The following USP33 variants were observed in gnomAD, a reference collection of about 807,000 sequenced individuals.
USP33 encodes ubiquitin specific peptidase 33.
A neutral mutation model predicts 124.2 loss-of-function variants in USP33; 46 were observed. That is an observed-to-expected ratio of 0.37 (90% confidence interval 0.29 to 0.47). The LOEUF (loss-of-function observed/expected upper bound fraction) is 0.47. USP33 is among the 20% of genes least tolerant of loss of function. The probability of loss-of-function intolerance (pLI) is 0.99; values close to 1 mark genes in which losing one functional copy is unlikely to be tolerated. For missense variants in USP33, 851 were observed against 1,070.6 expected, an observed-to-expected ratio of 0.79 and a Z score of 2.86; for synonymous variants, 350 against 352.3, an observed-to-expected ratio of 0.99 and a Z score of 0.07.
chr1:77,713,486 G>T, intron 19 of USP33: 1 of 462,752 alleles, frequency 2.2e-6, no homozygotes, highest in South Asian at 2.9e-5. Context: ...CTGGGCTCAA[G>T]GCATCCTCCC....
In USP33 at chr1:77,723,397, T is replaced by C. The variant is rs1409831066; in HGVS notation, c.1323A>G (p.Arg441=). The C allele has an allele frequency of 6.2e-7, 1 of 1,613,222 alleles. No individual in the cohort carries two copies. The highest frequency in any genetic ancestry group is 1.3e-5 in the African/African-American group (1 of 74,900). ...PKRKKQHKKY[R]SVISDIFDGT... ...CATCAAATATGTCTGAAATAACACTTCTGTATTTCTTGTGCTGTTTTTTTC... is the reference window on the plus strand; with the variant it reads ...CATCAAATATGTCTGAAATAACACTCCTGTATTTCTTGTGCTGTTTTTTTC... The change falls in exon 12 of 24, where the codon AGA becomes AGG. Residue 441 remains arginine, a synonymous_variant. Transcript: ENST00000370794.
chr1:77,730,903 G>T (rs987784856), intron 7 of USP33, among the ~76,000 whole-genome samples, 172 bp from the exon 8 acceptor site: 1 of 152,086 alleles, frequency 6.6e-6, no homozygotes, highest in Admixed American at 6.5e-5. Flanking sequence ...ATTCAAATCA[G>T]ATTTGGCCCC....
intron 1 of USP33, among the ~76,000 whole-genome samples, chr1:77,747,772 T>C (rs1679890293): frequency 6.6e-6 from 1 of 152,234 alleles, no homozygotes; most frequent in Admixed American, 6.5e-5. Context: ...CTATAAGGCT[T>C]TGATCCATCT....
At chr1:77,709,436 G>C (rs1674987018) in intron 21 of USP33, among the ~76,000 whole-genome samples, 1 of 151,984 alleles carries the variant, frequency 6.6e-6, no homozygotes, top group Non-Finnish European at 1.5e-5. Context: ...GATCCCTTTA[G>C]CCTAGGAGTT....
intron 1 of USP33, among the ~76,000 whole-genome samples, chr1:77,758,308 G>A (rs1216369752): frequency 2.0e-5 from 3 of 149,512 alleles, no homozygotes; most frequent in Admixed American, 6.8e-5. Context: ...AGCCTCCCAA[G>A]TAGCTGGGAC....
At chr1:77,745,954 A>C (rs947044614) in intron 1 of USP33, among the ~76,000 whole-genome samples, 15 of 152,194 alleles carry the variant, frequency 9.9e-5, no homozygotes, top group Non-Finnish European at 7.3e-5. Context: ...CGACACCCTA[A>C]CATCACAATG....
At chr1:77,704,782 GGTTTT>G (rs1455795583) in intron 21 of USP33, among the ~76,000 whole-genome samples, 3 of 152,224 alleles carry the variant, frequency 2.0e-5, no homozygotes, top group Admixed American at 6.5e-5. Flanking sequence ...CATCTATTGA[GGTTTT>G]GTTTTGTTAT....
chr1:77,722,999 C>G (rs1487696356), intron 12 of USP33, among the ~76,000 whole-genome samples: 2 of 152,092 alleles, frequency 1.3e-5, no homozygotes, highest in Non-Finnish European at 2.9e-5. Context: ...CAACAGATTC[C>G]CAGTATACAA....
At position 77,697,951 on chromosome 1, in the gene USP33, A is replaced by C; in HGVS notation, c.2510-20T>G. On this transcript the variant is annotated intron_variant, in intron 22 of 23. Transcript: ENST00000370794. ...GAGGATCTAAAGGAAAAAATATCAA[A>C]ATGTATTTTTCAAAGAAATGTAACA... 6.3e-7 allele frequency: 1 copy of C among 1,581,214 alleles called. No homozygotes were observed. Among genetic ancestry groups the C allele is most frequent in the Non-Finnish European group, 8.6e-7 (1 of 1,166,088 alleles).
rs141346087 is a variant in USP33 at position 77,741,658 on chromosome 1, C to T, written c.40G>A (p.Val14Ile). The change falls in exon 2 of 24, where the codon GTT (valine) becomes ATT (isoleucine). Residue 14 changes from valine (V) to isoleucine (I), a missense_variant. Physicochemically the swap from Val to Ile is conservative, Grantham distance 29 (BLOSUM62 3). This residue lies in a region of USP33 where 221 missense variants were observed against 302.9 expected (regional missense o/e 0.73). Transcript: ENST00000370794. Reference sequence around the variant, plus strand: ...AAATCTTCTTTTGTTATTTCACCAACTGAATCCAAATGTGGACAATGATTT... The same window carrying T: ...AAATCTTCTTTTGTTATTTCACCAATTGAATCCAAATGTGGACAATGATTT... ...FRNHCPHLDS[V>I]GEITKEDLIQ... 1.2e-6 allele frequency: 2 copies of T among 1,602,080 alleles called. No homozygotes were observed. Among genetic ancestry groups the T allele is most frequent in the African/African-American group, 2.7e-5 (2 of 74,546 alleles).
Position 77,729,635 on chromosome 1 carries a change from C to T in USP33, c.717+225G>A, listed in dbSNP as rs548362182. The stretch of plus-strand genomic sequence containing the variant: ...GCAGTGAGCCAAGATTGCACCACTG[C>T]ACTCCAGCCTGGGCGATAGAGCAAG... On this transcript the variant is annotated intron_variant, in intron 9 of 23. Transcript: ENST00000370794. Among the ~76,000 whole-genome samples, 62 of 152,020 alleles carry T rather than the reference C, an allele frequency of 4.1e-4. 1 individual carries two copies. The highest frequency in any genetic ancestry group is 3.5e-3 in the Admixed American group (54 of 15,252).
chr1:77,758,935 T>C (rs919370295), intron 1 of USP33, among the ~76,000 whole-genome samples: 7 of 152,174 alleles, frequency 4.6e-5, no homozygotes, highest in Non-Finnish European at 7.3e-5. Context: ...ACTCCAACGG[T>C]ACTTGAGTGC....
intron 19 of USP33, among the ~76,000 whole-genome samples, chr1:77,714,316 T>C (rs774442839): frequency 5.9e-5 from 9 of 152,222 alleles, no homozygotes; most frequent in Non-Finnish European, 1.2e-4. Flanking sequence ...TGTATCTTAC[T>C]CTACTATGAA....
intron 5 of USP33, among the ~76,000 whole-genome samples, chr1:77,737,360 T>A (rs1443049011): frequency 6.6e-6 from 1 of 152,224 alleles, no homozygotes; most frequent in East Asian, 1.9e-4. Context: ...TTTCATAAAG[T>A]AATTGCTTTT....
At chr1:77,729,994 A>T (rs574355497) in intron 8 of USP33, 56 bp from the exon 9 acceptor site, 1 of 1,419,382 alleles carries the variant, frequency 7.0e-7, no homozygotes, top group African/African-American at 1.4e-5. Context: ...TTTTCATTTT[A>T]AAAATTAACT....
intron 22 of USP33, 39 bp downstream of exon 22, chr1:77,701,330 A>G: frequency 6.9e-7 from 1 of 1,452,978 alleles, no homozygotes. Flanking sequence ...AAAAAAACAA[A>G]TAATTTACCA....
intron 12 of USP33, 74 bp downstream of exon 12, chr1:77,723,257 T>C: frequency 2.7e-6 from 3 of 1,106,840 alleles, no homozygotes; most frequent in Non-Finnish European, 4.0e-6. Context: ...ATTAAACTTT[T>C]CACATCATCT....
rs549651856 is a variant in USP33 at position 77,714,669 on chromosome 1, C to T, written c.2160G>A (p.Lys720=). The part of the protein sequence containing the change: ...YISRQWLNKF[K]TFAEPGPISN... ...AAATAGGGCCAGGTTCGGCAAAGGT[C>T]TTAAATTTATTAAGCCACTGTCGAG... The change falls in exon 19 of 24, where the codon AAG becomes AAA. Residue 720 remains lysine (K), a synonymous_variant. Transcript: ENST00000370794. The T allele has an allele frequency of 5.6e-6, 9 of 1,613,340 alleles. No homozygotes were observed. In the East Asian group the frequency reaches 1.6e-4, roughly 28 times the overall value.
chr1:77,706,130 T>C (rs1674599352), intron 21 of USP33, among the ~76,000 whole-genome samples: 1 of 152,238 alleles, frequency 6.6e-6, no homozygotes, highest in Non-Finnish European at 1.5e-5. Flanking sequence ...GTTTACATGT[T>C]TTATGTTAAC....
Sources: allele counts gnomAD v4.1 joint callset (sites outside exome capture counted in the v4.1 genomes callset), GRCh38; gene constraint gnomAD v4.1.1; regional missense constraint gnomAD v4.1.1; transcripts MANE v1.5; gene names NCBI Gene and HGNC (gene_info 2026-07-23, HGNC 2026-07-21).